ADGRL3: variants seen among roughly 807,000 people sequenced by gnomAD.
ADGRL3 encodes the protein adhesion G protein-coupled receptor L3, also known as calcium-independent alpha-latrotoxin receptor 3.
In ADGRL3, 62 loss-of-function variants were observed where a neutral mutation model predicts 153.5. The ratio of observed to expected loss-of-function variants is 0.40; its 90% CI spans 0.33 to 0.50. The LOEUF (loss-of-function observed/expected upper bound fraction) is 0.50. ADGRL3 is among the 20% of genes least tolerant of loss of function. ADGRL3 has a pLI of 0.47. For synonymous variants in ADGRL3, 710 were observed against 672.5 expected (o/e 1.06, Z -0.86); for missense variants, 1,641 against 1,859.4 (o/e 0.88, Z 2.16).
intron 2 of ADGRL3, among the ~76,000 whole-genome samples, chr4:61,386,865 A>G (rs1043489570): frequency 6.6e-5 from 10 of 152,126 alleles, no homozygotes; most frequent in African/African-American, 2.4e-4. Context: ...GCTAGATTGT[A>G]TTTTTTAAAG....
intron 24 of ADGRL3, among the ~76,000 whole-genome samples, chr4:62,039,561 G>T (rs1727015352): frequency 6.6e-6 from 1 of 152,070 alleles, no homozygotes; most frequent in Non-Finnish European, 1.5e-5. Flanking sequence ...ACCACACTGA[G>T]GTTGTAAAGT....
At position 61,517,393 on chromosome 4, in the gene ADGRL3, C is replaced by G. The variant is rs1458968135; in HGVS notation, c.134C>G (p.Pro45Arg). The G allele has an allele frequency of 2.8e-6, 2 of 724,166 alleles. No homozygotes were observed. The highest frequency in any genetic ancestry group is 4.0e-5 in the Admixed American group (2 of 50,040). 44.9% of individuals were successfully genotyped at this position (724,166 alleles called of 1,614,324 possible). A position where few individuals can be genotyped will look rare whatever the true frequency, so the allele number is the denominator to read the frequency against. Residue 45 changes from proline (P) to arginine (R), a missense_variant, in exon 4 of 27, where the codon CCA becomes CGA. Around this residue, in one of 5 missense-constraint regions of ADGRL3, gnomAD observed 145 missense variants for 79.1 expected, o/e 1.83. Coordinates refer to ENST00000683033, the MANE Select transcript of ADGRL3 (RefSeq NM_001387552.1). Reference protein sequence around the residue: ...HAERSPGGALPPRHLLQQPAA... With the variant: ...HAERSPGGALRPRHLLQQPAA... ...GAGCGCAGCCCAGGAGGCGCTCTTC[C>G]ACCCAGACATCTGCTTCAGCAGCCA...
chr4:61,950,241 G>GT (rs557727838), intron 17 of ADGRL3, among the ~76,000 whole-genome samples: 206 of 151,148 alleles, frequency 1.4e-3, no homozygotes, highest in African/African-American at 4.2e-3. Context: ...AGGTTTACAG[G>GT]TTTTTTTTTA....
chr4:61,368,369 T>C (rs1451799852), intron 1 of ADGRL3, among the ~76,000 whole-genome samples: 3 of 152,220 alleles, frequency 2.0e-5, no homozygotes, highest in Non-Finnish European at 4.4e-5. Flanking sequence ...AGGTTTAACG[T>C]TTAAGTCTTT....
At chr4:61,552,503 A>G (rs559166202) in intron 4 of ADGRL3, among the ~76,000 whole-genome samples, 1 of 152,104 alleles carries the variant, frequency 6.6e-6, no homozygotes, top group East Asian at 1.9e-4. Context: ...TCGCTCTGTC[A>G]CTCAGGCTGG....
intron 6 of ADGRL3, among the ~76,000 whole-genome samples, chr4:61,726,907 GAA>G (rs2096358478): frequency 6.6e-6 from 1 of 151,952 alleles, no homozygotes; most frequent in Admixed American, 6.6e-5. Flanking sequence ...TAGTTTAAAA[GAA>G]AATAAAATTT....
At position 61,673,300 on chromosome 4, in the gene ADGRL3, T is replaced by C. The variant is rs1024090018; in HGVS notation, c.474-3526T>C. 2.2e-4 allele frequency among the ~76,000 whole-genome samples: 33 copies of C among 152,054 alleles called. No homozygotes were observed. The East Asian group carries it at 6.2e-3, about 28-fold the overall frequency. Reference sequence around the variant, plus strand: ...CCACAGTTAACAATACTGTATTATATACTTTTACAACACAGTAAAAGATAA... The same window carrying C: ...CCACAGTTAACAATACTGTATTATACACTTTTACAACACAGTAAAAGATAA... On this transcript the variant is annotated intron_variant, in intron 5 of 26. Coordinates refer to ENST00000683033, the MANE Select transcript of ADGRL3 (RefSeq NM_001387552.1).
intron 2 of ADGRL3, among the ~76,000 whole-genome samples, chr4:61,412,489 A>G (rs550421638): frequency 1.9e-4 from 29 of 152,336 alleles, no homozygotes; most frequent in African/African-American, 7.0e-4. Context: ...ACTGATGTGG[A>G]TGCCTGACTC....
chr4:61,427,596 C>T (rs2097298326), intron 2 of ADGRL3: 1 of 152,798 alleles, frequency 6.5e-6, no homozygotes, highest in South Asian at 2.1e-4. Flanking sequence ...CCCTGAACCC[C>T]CACGCCCTGG....
At chr4:61,514,641 G>A (rs1222133212) in intron 3 of ADGRL3, among the ~76,000 whole-genome samples, 1 of 152,104 alleles carries the variant, frequency 6.6e-6, no homozygotes, top group Non-Finnish European at 1.5e-5. Context: ...GAATTTAAAT[G>A]AGTGTATGAA....
At chr4:61,647,429 C>T (rs1357248486) in intron 5 of ADGRL3, among the ~76,000 whole-genome samples, 2 of 152,070 alleles carry the variant, frequency 1.3e-5, no homozygotes, top group Non-Finnish European at 2.9e-5. Context: ...GTCCCCATAT[C>T]TGAGTACCTG....
chr4:61,430,423 G>C (rs1278273171), intron 2 of ADGRL3, among the ~76,000 whole-genome samples: 2 of 152,108 alleles, frequency 1.3e-5, no homozygotes, highest in African/African-American at 4.8e-5. Context: ...ACATGAACTA[G>C]CACTTCTGAT....
chr4:61,760,047 A>C lies in ADGRL3; in HGVS notation c.1399+26493A>C, dbSNP rs530414472. On this transcript the variant is annotated intron_variant, in intron 8 of 26. Coordinates refer to ENST00000683033, the MANE Select transcript of ADGRL3 (RefSeq NM_001387552.1). ...TCCTCTGGAAGTTTTGTCTCAGAGG[A>C]GTACCCAGCCGTGTGAGGTGTCAGT... Among the ~76,000 whole-genome samples, 6 of 152,308 alleles carry C rather than the reference A, an allele frequency of 3.9e-5. No homozygotes were observed. The South Asian group carries it at 1.0e-3, about 26-fold the overall frequency.
chr4:61,441,959 C>G, intron 2 of ADGRL3, among the ~76,000 whole-genome samples: 1 of 152,158 alleles, frequency 6.6e-6, no homozygotes, highest in Non-Finnish European at 1.5e-5. Context: ...AAAGACTACT[C>G]AATGTTTATT....
intron 6 of ADGRL3, among the ~76,000 whole-genome samples, chr4:61,689,046 C>G (rs1019930920): frequency 1.3e-5 from 2 of 152,178 alleles, no homozygotes; most frequent in African/African-American, 4.8e-5. Context: ...ACTGTAGCAT[C>G]AGGCAAAATT....
At chr4:61,850,579 G>A (rs2098190365) in intron 9 of ADGRL3, among the ~76,000 whole-genome samples, 1 of 152,068 alleles carries the variant, frequency 6.6e-6, no homozygotes, top group African/African-American at 2.4e-5. Context: ...GACAATGGAG[G>A]AAAATGGTAT....
chr4:61,890,191 A>G (rs2098565132), intron 9 of ADGRL3, among the ~76,000 whole-genome samples: 1 of 152,248 alleles, frequency 6.6e-6, no homozygotes, highest in Non-Finnish European at 1.5e-5. Flanking sequence ...GTAGCTTATT[A>G]TCAATGAAAA....
Position 61,984,195 on chromosome 4 carries a change from A to C in ADGRL3, c.3236+592A>C, listed in dbSNP as rs577681571. Among the ~76,000 whole-genome samples, 4 of 152,330 alleles carry C rather than the reference A, an allele frequency of 2.6e-5. No homozygotes were observed. In the South Asian group the frequency reaches 8.3e-4, roughly 32 times the overall value. On this transcript the variant is annotated intron_variant, in intron 19 of 26. Coordinates refer to ENST00000683033, the MANE Select transcript of ADGRL3 (RefSeq NM_001387552.1). ...AAAAATATGTTTGCAATCTACATAC[A>C]TGTAACAGTTGAGATACCCAGAGTA...
chr4:61,225,556 A>G (rs1413712453), intron 1 of ADGRL3, among the ~76,000 whole-genome samples: 1 of 152,178 alleles, frequency 6.6e-6, no homozygotes, highest in Non-Finnish European at 1.5e-5. Context: ...TATGTAAGAT[A>G]TGTGAAAATC....
Sources: allele counts gnomAD v4.1 joint callset (sites outside exome capture counted in the v4.1 genomes callset), GRCh38; gene constraint gnomAD v4.1.1; regional missense constraint gnomAD v4.1.1; transcripts MANE v1.5; gene names NCBI Gene and HGNC (gene_info 2026-07-23, HGNC 2026-07-21).